STRIP2: variants seen among roughly 807,000 people sequenced by gnomAD.
The protein encoded by STRIP2 is striatin interacting protein 2.
In STRIP2, 84 loss-of-function variants were observed where a neutral mutation model predicts 107.1. The observed-to-expected ratio is 0.78, with a 90% CI of 0.66 to 0.94. The LOEUF (loss-of-function observed/expected upper bound fraction) is 0.94, where lower values mean the gene tolerates loss of function less well. Among genes scored for constraint, STRIP2 ranks in the 40% least tolerant of loss-of-function variants. The pLI is 0.00. For synonymous variants in STRIP2, 394 were observed against 400.4 expected (o/e 0.98, Z 0.19); for missense variants, 888 against 1,034.2 (o/e 0.86, Z 1.94).
intron 4 of STRIP2, among the ~76,000 whole-genome samples, chr7:129,452,031 C>T (rs1464925081): frequency 6.6e-6 from 1 of 152,108 alleles, no homozygotes; most frequent in African/African-American, 2.4e-5. Flanking sequence ...TATGTGAATA[C>T]TAGCAAGAGG....
At chr7:129,443,482 T>A (rs729791) in intron 2 of STRIP2, among the ~76,000 whole-genome samples, 33,630 of 152,160 alleles carry the variant, frequency 0.22, 4,246 homozygotes, top group Non-Finnish European at 0.28. Context: ...GCCTCTGCTT[T>A]GTGGCTGTGG....
Position 129,486,703 on chromosome 7 carries a change from TGTGGTC to T in STRIP2, c.*878_*883del, listed in dbSNP as rs1427743590. 6.6e-6 allele frequency: 1 copy of T among 152,228 alleles called. No homozygotes were observed. Among genetic ancestry groups the T allele is most frequent in the African/African-American group, 2.4e-5 (1 of 41,466 alleles). 9.4% of individuals were successfully genotyped at this position (152,228 alleles called of 1,614,324 possible). A position where few individuals can be genotyped will look rare whatever the true frequency, so the allele number is the denominator to read the frequency against. On this transcript the variant is annotated 3_prime_UTR_variant, in exon 21 of 21. Transcript: ENST00000249344. The stretch of plus-strand genomic sequence containing the variant: ...TATTTATTCAGATGGTATGTCCACT[TGTGGTC>T]GTGATCAATATATTTTTCTAATTGA...
chr7:129,484,275 T>G lies in STRIP2; in HGVS notation c.2254+1229T>G, dbSNP rs900635546. On this transcript the variant is annotated intron_variant, in intron 20 of 20. Transcript: ENST00000249344. ...GTATGTCCTAGGTAATCTTGGGAAC[T>G]GTACATTGCCTCACATCAGAAGGCA... 4.2e-4 allele frequency among the ~76,000 whole-genome samples: 64 copies of G among 152,356 alleles called. 1 individual carries two copies. The highest frequency in any genetic ancestry group is 1.5e-3 in the African/African-American group (63 of 41,588).
At chr7:129,460,179 C>A in intron 12 of STRIP2, 122 bp from the exon 13 acceptor site, 1 of 756,278 alleles carries the variant, frequency 1.3e-6, no homozygotes, top group East Asian at 2.7e-5. Context: ...GAGTTCATGT[C>A]TATGTGGGGT....
intron 18 of STRIP2, among the ~76,000 whole-genome samples, chr7:129,476,129 G>A (rs1798923208): frequency 6.6e-6 from 1 of 151,766 alleles, no homozygotes; most frequent in South Asian, 2.1e-4. Flanking sequence ...CCACTTCCCA[G>A]AAGGGGTGGC....
chr7:129,480,493 G>T (rs1799089487), intron 18 of STRIP2, among the ~76,000 whole-genome samples: 1 of 152,156 alleles, frequency 6.6e-6, no homozygotes, highest in African/African-American at 2.4e-5. Flanking sequence ...TCTCTTTTCT[G>T]ATCCTAGAGC....
At chr7:129,456,842 A>G (rs753430802) in intron 9 of STRIP2, among the ~76,000 whole-genome samples, 200 bp downstream of exon 9, 7 of 152,082 alleles carry the variant, frequency 4.6e-5, no homozygotes, top group Non-Finnish European at 7.4e-5. Flanking sequence ...CGCTGTTGTG[A>G]TGTGACACTG....
rs1006269967 is a variant in STRIP2 at position 129,486,759 on chromosome 7, A to C, written c.*930A>C. On this transcript the variant is annotated 3_prime_UTR_variant, in exon 21 of 21. Coordinates refer to ENST00000249344, the MANE Select transcript of STRIP2 (RefSeq NM_020704.3). ...AAAAGTAAAAGCATCACAGCTTACC[A>C]TTTTTCTTTTTCTGCAGTGTTGATT... The C allele has an allele frequency of 6.6e-6, 1 of 151,946 alleles. No homozygotes were observed. The highest frequency in any genetic ancestry group is 6.6e-5 in the Admixed American group (1 of 15,228). 9.4% of individuals were successfully genotyped at this position (151,946 alleles called of 1,614,324 possible).
intron 3 of STRIP2, among the ~76,000 whole-genome samples, chr7:129,451,211 TTACAGGCGTGAGCCACCGCA>T (rs1246859265): frequency 1.3e-5 from 2 of 152,096 alleles, no homozygotes; most frequent in Non-Finnish European, 2.9e-5. Context: ...AGTGCTGGGA[TTACAGGCGTGAGCCACCGCA>T]CCCGGCCGAG....
At chr7:129,453,157 A>T in intron 4 of STRIP2, 70 bp from the exon 5 acceptor site, 1 of 1,595,728 alleles carries the variant, frequency 6.3e-7, no homozygotes. Context: ...TCTTAAGATC[A>T]TGGGGCAGGG....
Position 129,464,539 on chromosome 7 carries a change from C to T in STRIP2, c.1650-73C>T, listed in dbSNP as rs970345419. ...CTCTCTTGTGTATATTGTATCAGACCCAAATACCTGGATCCCTACAGGGCT... is the reference window on the plus strand; with the variant it reads ...CTCTCTTGTGTATATTGTATCAGACTCAAATACCTGGATCCCTACAGGGCT... On this transcript the variant is annotated intron_variant, in intron 15 of 20. Transcript: ENST00000249344. 3 of 1,551,130 alleles carry T rather than the reference C, an allele frequency of 1.9e-6. No individual in the cohort carries two copies. In the Admixed American group the frequency reaches 5.2e-5, roughly 27 times the overall value.
At chr7:129,466,097 GAAAGAGA>G (rs972724083) in intron 16 of STRIP2, among the ~76,000 whole-genome samples, 2 of 152,180 alleles carry the variant, frequency 1.3e-5, no homozygotes, top group African/African-American at 4.8e-5. Context: ...GTTTCTAGTG[GAAAGAGA>G]ACAGAGAACT....
chr7:129,434,743 G>C, intron 1 of STRIP2, 142 bp downstream of exon 1: 1 of 1,076,494 alleles, frequency 9.3e-7, no homozygotes, highest in Middle Eastern at 3.2e-4. Flanking sequence ...GGTCCTAGCG[G>C]CTGAACTCTG....
chr7:129,459,689 C>T (rs1309823515), intron 12 of STRIP2, 109 bp downstream of exon 12: 6 of 857,382 alleles, frequency 7.0e-6, no homozygotes, highest in South Asian at 1.5e-5. Context: ...TCTTTCTGGA[C>T]CTTCTGCATT....
At chr7:129,465,587 G>C (rs766587543) in intron 16 of STRIP2, among the ~76,000 whole-genome samples, 1 of 152,144 alleles carries the variant, frequency 6.6e-6, no homozygotes, top group Admixed American at 6.5e-5. Context: ...TGTTAAGTTT[G>C]TCTAGGCCCT....
intron 14 of STRIP2, among the ~76,000 whole-genome samples, chr7:129,463,522 G>A (rs1056945832): frequency 2.0e-5 from 3 of 150,352 alleles, no homozygotes; most frequent in Non-Finnish European, 3.0e-5. Context: ...TTGAAGTGGA[G>A]TCTCACTCTG....
At chr7:129,475,819 G>A (rs1384133979) in intron 18 of STRIP2, among the ~76,000 whole-genome samples, 2 of 151,982 alleles carry the variant, frequency 1.3e-5, no homozygotes, top group African/African-American at 2.4e-5. Context: ...ATCTTGCACC[G>A]CCCTTAATCC....
intron 1 of STRIP2, among the ~76,000 whole-genome samples, chr7:129,438,607 T>A (rs1049944757): frequency 7.2e-5 from 11 of 152,144 alleles, no homozygotes; most frequent in Non-Finnish European, 1.0e-4. Context: ...GTCCTACAGT[T>A]CAATTCGATT....
intron 9 of STRIP2, among the ~76,000 whole-genome samples, chr7:129,457,459 A>G (rs1014825140): frequency 6.6e-6 from 1 of 152,208 alleles, no homozygotes; most frequent in South Asian, 2.1e-4. Context: ...GCACATGACT[A>G]TAGTCTGCTG....
Sources: allele counts gnomAD v4.1 joint callset (sites outside exome capture counted in the v4.1 genomes callset), GRCh38; gene constraint gnomAD v4.1.1; transcripts MANE v1.5; gene names NCBI Gene and HGNC (gene_info 2026-07-23, HGNC 2026-07-21).